The following MOGAT3 variants were observed in gnomAD, a reference collection of about 807,000 sequenced individuals.
The protein encoded by MOGAT3 is 2-acylglycerol O-acyltransferase 3.
Under a neutral mutation model 34.4 loss-of-function variants are expected in MOGAT3, and 39 were observed. That is an observed-to-expected ratio of 1.13 (90% CI 0.88 to 1.48). MOGAT3 has a LOEUF of 1.48. MOGAT3 is among the 40% of genes most tolerant of loss of function. The pLI, the probability that MOGAT3 is intolerant of heterozygous loss-of-function variation, is 0.00. For missense variants in MOGAT3, 439 were observed against 438.9 expected (o/e 1.00, Z 0.00); for synonymous variants, 209 against 179.2 (o/e 1.17, Z -1.33).
chr7:101,196,590 G>C (rs1797793958), intron 5 of MOGAT3, among the ~76,000 whole-genome samples: 1 of 152,122 alleles, frequency 6.6e-6, no homozygotes, highest in African/African-American at 2.4e-5. Flanking sequence ...GTTTTAGAGA[G>C]AGGGTCTTGT....
chr7:101,194,341 C>T (rs1458639555), downstream of MOGAT3, among the ~76,000 whole-genome samples: 1 of 152,046 alleles, frequency 6.6e-6, no homozygotes, highest in Non-Finnish European at 1.5e-5. Context: ...GAGAGCACCA[C>T]CACGCCCAGC....
rs1797876112 is a variant in MOGAT3 at position 101,198,813 on chromosome 7, C to T, written c.306G>A (p.Glu102=). The change falls in exon 4 of 7, where the codon GAG becomes GAA. Residue 102 remains glutamate, a synonymous_variant. Coordinates refer to ENST00000223114, the MANE Select transcript of MOGAT3 (RefSeq NM_178176.4). The part of the protein sequence containing the change: ...YYPVKLVKTA[E]LPPDRNYVLG... ...GCACGTAGTTCCGATCCGGGGGCAG[C>T]TCTGCTGTTTTCACCAGCTTCGGGG... 1 of 1,613,826 alleles carries T rather than the reference C, an allele frequency of 6.2e-7. No homozygotes were observed. Among genetic ancestry groups the T allele is most frequent in the Non-Finnish European group, 8.5e-7 (1 of 1,180,006 alleles).
At chr7:101,198,545 A>AT in intron 4 of MOGAT3, 81 bp downstream of exon 4, 10 of 1,162,960 alleles carry the variant, frequency 8.6e-6, no homozygotes, top group Non-Finnish European at 1.1e-5. Flanking sequence ...GGGACTTATT[A>AT]TGGGGGGGGG....
chr7:101,196,112 G>C lies in MOGAT3; in HGVS notation c.872-12C>G. The stretch of plus-strand genomic sequence containing the variant: ...GATGGGGCGGCCCACTGCAGGGAGA[G>C]GGAGACAGGTGGGCGAGGGATCCCT... On this transcript the variant is annotated splice_polypyrimidine_tract_variant and intron_variant, in intron 6 of 6. Transcript: ENST00000223114. 1 of 1,601,700 alleles carries C rather than the reference G, an allele frequency of 6.2e-7. No homozygotes were observed.
rs1378286550 is a variant in MOGAT3 at position 101,195,371 on chromosome 7, T to G, written c.*575A>C. The G allele has an allele frequency of 6.6e-6, 1 of 152,458 alleles. No homozygotes were observed. Among genetic ancestry groups the G allele is most frequent in the Non-Finnish European group, 1.5e-5 (1 of 68,858 alleles). The allele number at this position is 152,458 out of a possible 1,614,324, so 9.4% of individuals were successfully genotyped here. A position where few individuals can be genotyped will look rare whatever the true frequency, so the allele number is the denominator to read the frequency against. Reference sequence around the variant, plus strand: ...CTGGGATTATAGGCATGAGCCACCATGCCCGGCTAATTTTTGTAGTTTTAG... The same window carrying G: ...CTGGGATTATAGGCATGAGCCACCAGGCCCGGCTAATTTTTGTAGTTTTAG... On this transcript the variant is annotated 3_prime_UTR_variant, in exon 7 of 7. Transcript: ENST00000223114.
intron 3 of MOGAT3, among the ~76,000 whole-genome samples, chr7:101,199,731 C>T (rs1034650565): frequency 2.6e-5 from 4 of 151,680 alleles, no homozygotes; most frequent in East Asian, 2.0e-4. Flanking sequence ...CCTCCCACCT[C>T]GGCCTCCCAA....
chr7:101,198,086 T>A, intron 5 of MOGAT3, 105 bp downstream of exon 5: 1 of 1,335,302 alleles, frequency 7.5e-7, no homozygotes, highest in East Asian at 2.5e-5. Flanking sequence ...AGGGCGCTGG[T>A]CTCTGGGCAC....
Position 101,198,260 on chromosome 7 carries a change from G to C in MOGAT3, c.599C>G (p.Ser200Ter). Reference protein sequence around the residue: ...MVGGAHEALYSVPGEHCLTLQ... With the variant: ...MVGGAHEALY Reference sequence around the variant, plus strand: ...CGTAAGGCAGTGCTCCCCGGGGACTGAATACAGGGCCTCGTGCGCACCCCC... The same window carrying C: ...CGTAAGGCAGTGCTCCCCGGGGACTCAATACAGGGCCTCGTGCGCACCCCC... Residue 200 changes from serine to a stop codon, truncating the protein, a stop_gained, in exon 5 of 7, where the codon TCA becomes TGA. Transcript: ENST00000223114. LOFTEE classifies it high-confidence loss of function. The C allele has an allele frequency of 6.2e-7, 1 of 1,613,316 alleles. No homozygotes were observed. The highest frequency in any genetic ancestry group is 8.5e-7 in the Non-Finnish European group (1 of 1,179,592).
In MOGAT3 at chr7:101,195,875, C is replaced by T. The variant is rs1237396580; in HGVS notation, c.*71G>A. 1 of 1,522,274 alleles carries T rather than the reference C, an allele frequency of 6.6e-7. No individual in the cohort carries two copies. The highest frequency in any genetic ancestry group is 9.1e-7 in the Non-Finnish European group (1 of 1,102,106). 94.3% of individuals were successfully genotyped at this position (1,522,274 alleles called of 1,614,324 possible). A position where few individuals can be genotyped will look rare whatever the true frequency, so the allele number is the denominator to read the frequency against. ...GCCCAGAACTACCTTTTATTGGAGG[C>T]ATGGAGTCCACAGTGGGTGGAGGTC... On this transcript the variant is annotated 3_prime_UTR_variant, in exon 7 of 7. Coordinates refer to ENST00000223114, the MANE Select transcript of MOGAT3 (RefSeq NM_178176.4).
Position 101,198,737 on chromosome 7 carries a change from A to G in MOGAT3, c.382T>C (p.Ser128Pro). 6.2e-7 allele frequency: 1 copy of G among 1,611,932 alleles called. No homozygotes were observed. The highest frequency in any genetic ancestry group is 1.1e-5 in the South Asian group (1 of 90,954). ...IMCTGFLCNF[S>P]TESNGFSQLF... ...TGGGAGAAGCCATTGCTCTCGGTGG[A>G]GAAATTACAGAGGAAGCCTGTACAC... The change falls in exon 4 of 7, where the codon TCC (serine) becomes CCC (proline). Residue 128 changes from serine to proline, a missense_variant. Ser to Pro is a moderately conservative substitution (Grantham distance 74). Coordinates refer to ENST00000223114, the MANE Select transcript of MOGAT3 (RefSeq NM_178176.4).
chr7:101,198,176 T>C lies in MOGAT3; in HGVS notation c.668+15A>G. 6.2e-7 allele frequency: 1 copy of C among 1,602,490 alleles called. No individual in the cohort carries two copies. Among genetic ancestry groups the C allele is most frequent in the South Asian group, 1.1e-5 (1 of 89,944 alleles). On this transcript the variant is annotated intron_variant, in intron 5 of 6. Coordinates refer to ENST00000223114, the MANE Select transcript of MOGAT3 (RefSeq NM_178176.4). ...CAGCAGAGAACTGACAGGTAGGGCC[T>C]GCACGCGCACTCACCCGTGCCTCAG...
At chr7:101,198,954 G>T in intron 3 of MOGAT3, 124 bp from the exon 4 acceptor site, 1 of 750,884 alleles carries the variant, frequency 1.3e-6, no homozygotes, top group Non-Finnish European at 2.2e-6. Context: ...GGCCACCCCA[G>T]CAGAGTTCCG....
In MOGAT3 at chr7:101,196,353, A is replaced by T; in HGVS notation, c.705T>A (p.Asn235Lys). Residue 235 changes from asparagine to lysine, a missense_variant, in exon 6 of 7, where the codon AAT becomes AAA. Asn to Lys is a moderately conservative substitution (Grantham distance 94). Transcript: ENST00000223114. ...SLVPVYSFGENDIFRLKAFAT... is the reference protein window; with the variant it reads ...SLVPVYSFGEKDIFRLKAFAT... The stretch of plus-strand genomic sequence containing the variant: ...CAAAAGCCTTAAGTCTAAAGATGTC[A>T]TTCTCCCCAAAGGAGTACACGGGCA... 1.2e-5 allele frequency: 19 copies of T among 1,613,660 alleles called. No homozygotes were observed. The highest frequency in any genetic ancestry group is 1.6e-5 in the Non-Finnish European group (19 of 1,179,710).
At chr7:101,197,951 G>A (rs1360824736) in intron 5 of MOGAT3, among the ~76,000 whole-genome samples, 2 of 152,224 alleles carry the variant, frequency 1.3e-5, no homozygotes, top group East Asian at 3.9e-4. Flanking sequence ...TTCTGAGACC[G>A]AGGGCCCTGC....
chr7:101,194,172 T>TTTTTTTTCA (rs911611735), downstream of MOGAT3, among the ~76,000 whole-genome samples: 1 of 151,980 alleles, frequency 6.6e-6, no homozygotes, highest in Non-Finnish European at 1.5e-5. Flanking sequence ...TTCTAGAATT[T>TTTTTTTTCA]TTTTTTTCAT....
At position 101,196,229 on chromosome 7, in the gene MOGAT3, A is replaced by C. The variant is rs1196807241; in HGVS notation, c.829T>G (p.Ser277Ala). 1.3e-6 allele frequency: 2 copies of C among 1,592,694 alleles called. No homozygotes were observed. Among genetic ancestry groups the C allele is most frequent in the Middle Eastern group, 1.7e-4 (1 of 6,042 alleles). Residue 277 changes from serine (S) to alanine (A), a missense_variant, in exon 6 of 7, where the codon TCC becomes GCC. Coordinates refer to ENST00000223114, the MANE Select transcript of MOGAT3 (RefSeq NM_178176.4). ...ACAGCAAAGGGCAGCAGGCCCCAGG[A>C]GGTGGCTGAGAAGAGACCGCGACCC... ...FWGRGLFSAT[S>A]WGLLPFAVPI...
rs1380447864 is a variant in MOGAT3, at chr7:101,195,029, T to A, written c.*917A>T. 2 of 152,178 alleles carry A rather than the reference T, an allele frequency of 1.3e-5. No homozygotes were observed. The highest frequency in any genetic ancestry group is 6.6e-5 in the Admixed American group (1 of 15,246). 9.4% of individuals were successfully genotyped at this position (152,178 alleles called of 1,614,324 possible). A position where few individuals can be genotyped will look rare whatever the true frequency, so the allele number is the denominator to read the frequency against. On this transcript the variant is annotated 3_prime_UTR_variant, in exon 7 of 7. Transcript: ENST00000223114. ...CTCTTTGCTAAGCAGATGCCTTTAT[T>A]TACAGACAAAGAAGTAAACAGGCAA...
At chr7:101,196,448 AC>A in intron 5 of MOGAT3, 59 bp from the exon 6 acceptor site, 1 of 1,312,914 alleles carries the variant, frequency 7.6e-7, no homozygotes, top group Non-Finnish European at 1.1e-6. Context: ...CGAGATGGGC[AC>A]CCCCAGGGGC....
chr7:101,198,727 C>T lies in MOGAT3; in HGVS notation c.392G>A (p.Ser131Asn). 6.2e-7 allele frequency: 1 copy of T among 1,613,922 alleles called. No homozygotes were observed. Among genetic ancestry groups the T allele is most frequent in the Non-Finnish European group, 8.5e-7 (1 of 1,180,006 alleles). Residue 131 changes from serine to asparagine, a missense_variant, in exon 4 of 7, where the codon AGC becomes AAC. By Grantham distance (46) the Ser-to-Asn change is conservative. Transcript: ENST00000223114. ...CGGGAAGAGCTGGGAGAAGCCATTGCTCTCGGTGGAGAAATTACAGAGGAA... is the reference window on the plus strand; with the variant it reads ...CGGGAAGAGCTGGGAGAAGCCATTGTTCTCGGTGGAGAAATTACAGAGGAA... Reference protein sequence around the residue: ...TGFLCNFSTESNGFSQLFPGL... With the variant: ...TGFLCNFSTENNGFSQLFPGL...
Sources: gnomAD v4.1 joint callset for allele counts (sites outside exome capture counted in the v4.1 genomes callset) on GRCh38, gnomAD v4.1.1 for gene constraint, MANE v1.5 for transcripts, NCBI Gene and HGNC (gene_info 2026-07-23, HGNC 2026-07-21) for gene names.